Variants in ADAM32 observed in about 807,000 individuals in gnomAD.
The protein encoded by ADAM32 is ADAM metallopeptidase domain 32.
In ADAM32, 89 loss-of-function variants were observed where a neutral mutation model predicts 114.9. The observed-to-expected ratio is 0.77, with a 90% CI of 0.65 to 0.92. The LOEUF is 0.92. Ranked by LOEUF, ADAM32 falls within the 40% of genes least tolerant of loss-of-function variation. The probability of loss-of-function intolerance (pLI) is 0.00; values close to 1 mark genes in which losing one functional copy is unlikely to be tolerated. For synonymous variants in ADAM32, 285 were observed against 307.5 expected (o/e 0.93, Z 0.77); for missense variants, 870 against 932.8 (o/e 0.93, Z 0.88).
chr8:39,280,543 G>A lies in ADAM32; in HGVS notation c.2280-593G>A, dbSNP rs146508120. On this transcript the variant is annotated intron_variant, in intron 22 of 24. Coordinates refer to ENST00000379907, the MANE Select transcript of ADAM32 (RefSeq NM_145004.7). ...CAGTTAAATTTACATTAACTTCGAA[G>A]TAATTTGAAAAACCTCTGCTATCTT... is the stretch of plus-strand genomic sequence containing the variant. Among the ~76,000 whole-genome samples, 9 of 152,226 alleles carry A rather than the reference G, an allele frequency of 5.9e-5. No homozygotes were observed. In the East Asian group the frequency reaches 1.5e-3, roughly 26 times the overall value.
At chr8:39,126,606 A>T (rs1157229739) in intron 2 of ADAM32, among the ~76,000 whole-genome samples, 1 of 152,178 alleles carries the variant, frequency 6.6e-6, no homozygotes. Context: ...TAGATATAGG[A>T]TCATGTCATC....
chr8:39,211,141 T>C lies in ADAM32; in HGVS notation c.1053-3T>C, dbSNP rs369761384. The C allele has an allele frequency of 1.3e-5, 21 of 1,556,456 alleles. No homozygotes were observed. In the African/African-American group the frequency reaches 2.8e-4, roughly 21 times the overall value. Reference sequence around the variant, plus strand: ...CAATGACATTATATGGATTCATCTTTAGGCAATCCAATGGTGTGAAGACTT... The same window carrying C: ...CAATGACATTATATGGATTCATCTTCAGGCAATCCAATGGTGTGAAGACTT... On this transcript the variant is annotated splice_region_variant and splice_polypyrimidine_tract_variant and intron_variant, in intron 11 of 24. Coordinates refer to ENST00000379907, the MANE Select transcript of ADAM32 (RefSeq NM_145004.7).
intron 12 of ADAM32, chr8:39,221,319 G>A (rs969445418): frequency 2.4e-5 from 6 of 247,136 alleles, no homozygotes; most frequent in Admixed American, 1.1e-4. Flanking sequence ...ATTTTTATAG[G>A]TAGCATATAG....
At chr8:39,271,783 A>G (rs1461700983) in intron 20 of ADAM32, among the ~76,000 whole-genome samples, 1 of 152,128 alleles carries the variant, frequency 6.6e-6, no homozygotes, top group African/African-American at 2.4e-5. Flanking sequence ...GACTTTTACA[A>G]AATTGAAAAT....
chr8:39,255,512 C>T (rs1331063683), intron 18 of ADAM32, among the ~76,000 whole-genome samples: 1 of 151,954 alleles, frequency 6.6e-6, no homozygotes, highest in Non-Finnish European at 1.5e-5. Flanking sequence ...TGTTTGTTGG[C>T]CATTTGTATA....
chr8:39,276,005 C>A, intron 22 of ADAM32, 139 bp downstream of exon 22: 2 of 656,034 alleles, frequency 3.0e-6, no homozygotes, highest in South Asian at 3.7e-5. Context: ...TTAAAACAAC[C>A]TATTTGCTGA....
chr8:39,274,242 G>T, intron 20 of ADAM32, 70 bp from the exon 21 acceptor site: 1 of 1,456,928 alleles, frequency 6.9e-7, no homozygotes, highest in Non-Finnish European at 9.6e-7. Context: ...AAAATGGCCT[G>T]ATTTTCATTC....
chr8:39,209,524 A>G (rs962300216), intron 11 of ADAM32, among the ~76,000 whole-genome samples: 1 of 152,158 alleles, frequency 6.6e-6, no homozygotes, highest in African/African-American at 2.4e-5. Flanking sequence ...CCTGAATGTT[A>G]TTAATGCTTG....
At chr8:39,248,452 T>G (rs1346678380) in intron 17 of ADAM32, among the ~76,000 whole-genome samples, 1 of 152,206 alleles carries the variant, frequency 6.6e-6, no homozygotes, top group African/African-American at 2.4e-5. Flanking sequence ...GGGGGGCTAA[T>G]GCAAATAGTA....
chr8:39,163,966 A>G (rs1446891443), intron 7 of ADAM32, among the ~76,000 whole-genome samples: 1 of 152,200 alleles, frequency 6.6e-6, no homozygotes, highest in African/African-American at 2.4e-5. Context: ...TCAGATTTCA[A>G]GAGCGATGTA....
chr8:39,280,606 T>C (rs1332421407), intron 22 of ADAM32, among the ~76,000 whole-genome samples: 1 of 152,186 alleles, frequency 6.6e-6, no homozygotes, highest in Non-Finnish European at 1.5e-5. Context: ...TTACATTTTG[T>C]ACTATATGTT....
intron 6 of ADAM32, among the ~76,000 whole-genome samples, chr8:39,154,033 C>CATATATATATATATAT (rs59934573): frequency 0.098 from 13,649 of 138,826 alleles, 926 homozygotes; most frequent in Non-Finnish European, 0.14. Flanking sequence ...GAAAGTTCCT[C>CATATATATATATATAT]ATATATATAT....
intron 19 of ADAM32, among the ~76,000 whole-genome samples, chr8:39,267,526 T>C (rs1326308264): frequency 6.6e-6 from 1 of 152,178 alleles, no homozygotes; most frequent in Non-Finnish European, 1.5e-5. Flanking sequence ...TTATAGGTGT[T>C]ATAAATGAAG....
At chr8:39,142,576 T>C (rs1223158150) in intron 3 of ADAM32, among the ~76,000 whole-genome samples, 1 of 152,248 alleles carries the variant, frequency 6.6e-6, no homozygotes, top group African/African-American at 2.4e-5. Flanking sequence ...AGATCTGCTG[T>C]TAGTCTGATG....
At chr8:39,270,781 G>A (rs1212148837) in intron 19 of ADAM32, 95 bp from the exon 20 acceptor site, 2 of 884,928 alleles carry the variant, frequency 2.3e-6, no homozygotes, top group Non-Finnish European at 3.6e-6. Flanking sequence ...AGTCTTATAA[G>A]GAGATAATAC....
intron 14 of ADAM32, among the ~76,000 whole-genome samples, chr8:39,226,697 A>G (rs1233117942): frequency 1.3e-5 from 2 of 152,182 alleles, no homozygotes; most frequent in Non-Finnish European, 2.9e-5. Flanking sequence ...TAAAGGAAAG[A>G]TAAAACTTTC....
intron 12 of ADAM32, among the ~76,000 whole-genome samples, chr8:39,217,958 A>T (rs891768442): frequency 3.3e-5 from 5 of 152,156 alleles, no homozygotes; most frequent in African/African-American, 1.2e-4. Flanking sequence ...TTGAAGAGTT[A>T]GGTATTTATT....
intron 11 of ADAM32, among the ~76,000 whole-genome samples, chr8:39,203,283 C>G (rs1409038161): frequency 6.6e-6 from 1 of 152,098 alleles, no homozygotes; most frequent in African/African-American, 2.4e-5. Flanking sequence ...CTTTGTAGGT[C>G]TCTAAGGACT....
intron 18 of ADAM32, among the ~76,000 whole-genome samples, chr8:39,256,254 T>C (rs1180153347): frequency 6.6e-6 from 1 of 152,022 alleles, no homozygotes; most frequent in Non-Finnish European, 1.5e-5. Flanking sequence ...TATCATTGAC[T>C]TTATCTTTTA....
Sources: gnomAD v4.1 joint callset for allele counts (sites outside exome capture counted in the v4.1 genomes callset) on GRCh38, gnomAD v4.1.1 for gene constraint, MANE v1.5 for transcripts, NCBI Gene and HGNC (gene_info 2026-07-23, HGNC 2026-07-21) for gene names.